PCDHGA9: variants seen among roughly 807,000 people sequenced by gnomAD.
PCDHGA9 encodes the protein protocadherin gamma-A9.
In PCDHGA9, 37 loss-of-function variants were observed where a neutral mutation model predicts 62.5. The observed-to-expected ratio is 0.59, with a 90% CI of 0.46 to 0.78. The LOEUF (loss-of-function observed/expected upper bound fraction) is 0.78, where lower values mean the gene tolerates loss of function less well. Ranked by LOEUF, PCDHGA9 falls within the 30% of genes least tolerant of loss-of-function variation. PCDHGA9 has a pLI of 0.00. For missense variants in PCDHGA9, 1,138 were observed against 1,166.2 expected, an observed-to-expected ratio of 0.98 and a Z score of 0.35; for synonymous variants, 459 against 484.6, an observed-to-expected ratio of 0.95 and a Z score of 0.69.
intron 1 of PCDHGA9, among the ~76,000 whole-genome samples, chr5:141,406,166 G>A (rs778809031): frequency 1.6e-4 from 24 of 151,400 alleles, no homozygotes; most frequent in Non-Finnish European, 3.2e-4. Context: ...TCAATCTCCT[G>A]GGCTTATGCA....
At chr5:141,415,772 T>TTTTTTTTG in intron 1 of PCDHGA9, 1 of 1,332,986 alleles carries the variant, frequency 7.5e-7, no homozygotes. Context: ...TTTTTTTTTT[T>TTTTTTTTG]ACTTTCTGGT....
intron 1 of PCDHGA9, among the ~76,000 whole-genome samples, chr5:141,462,990 A>T (rs181384059): frequency 1.8e-3 from 278 of 152,244 alleles, no homozygotes; most frequent in Non-Finnish European, 3.4e-3. Context: ...GCCTTGGGCT[A>T]ATTTAGACCT....
At chr5:141,425,686 A>C (rs1026122573) in intron 1 of PCDHGA9, among the ~76,000 whole-genome samples, 4 of 152,252 alleles carry the variant, frequency 2.6e-5, no homozygotes, top group Non-Finnish European at 5.9e-5. Context: ...AATACTGCAT[A>C]TCATTTCATA....
At chr5:141,508,033 C>A (rs1596123382) in intron 3 of PCDHGA9, 1 of 152,290 alleles carries the variant, frequency 6.6e-6, no homozygotes, top group Non-Finnish European at 1.5e-5. Flanking sequence ...GTTTGCAGCT[C>A]AGCCAGCTGT....
At chr5:141,446,595 GCCTCC>G (rs2098508132) in intron 1 of PCDHGA9, among the ~76,000 whole-genome samples, 2 of 152,012 alleles carry the variant, frequency 1.3e-5, no homozygotes, top group South Asian at 4.1e-4. Context: ...TTCTGCCTCA[GCCTCC>G]TGAGTAGCTG....
At chr5:141,429,387 T>TTA (rs775632416) in intron 1 of PCDHGA9, among the ~76,000 whole-genome samples, 40 of 151,448 alleles carry the variant, frequency 2.6e-4, no homozygotes, top group African/African-American at 7.0e-4. Context: ...GTTTTTTTTT[T>TTA]AAAAAAAATT....
chr5:141,477,268 C>A lies in PCDHGA9; in HGVS notation c.2425-17539C>A, dbSNP rs2099408532. On this transcript the variant is annotated intron_variant, in intron 1 of 3. Transcript: ENST00000573521. This position sits in a 1 kb window ranked among gnomAD's most constrained non-coding sequence, Gnocchi z 4.9. ...TGACTGACCTGGATGCTGGCGAGAA[C>A]GGGCTGGTGACCTGCGAAGTTCCAC... 1.2e-6 allele frequency: 2 copies of A among 1,614,078 alleles called. No individual in the cohort carries two copies. Among genetic ancestry groups the A allele is most frequent in the Non-Finnish European group, 1.7e-6 (2 of 1,180,038 alleles).
At chr5:141,504,500 GAGTGGATCT>G (rs2099838791) in intron 2 of PCDHGA9, among the ~76,000 whole-genome samples, 1 of 152,072 alleles carries the variant, frequency 6.6e-6, no homozygotes, top group Non-Finnish European at 1.5e-5. Context: ...TGCCCAGTCT[GAGTGGATCT>G]CCTCTGATAT....
chr5:141,451,009 T>C (rs1437016950), intron 1 of PCDHGA9, among the ~76,000 whole-genome samples: 1 of 151,566 alleles, frequency 6.6e-6, no homozygotes, highest in East Asian at 1.9e-4. Context: ...GTATTTTTTT[T>C]AGTAGAGACG....
intron 1 of PCDHGA9, chr5:141,423,126 G>T (rs1397550571): frequency 6.2e-7 from 1 of 1,613,622 alleles, no homozygotes; most frequent in Non-Finnish European, 8.5e-7. Context: ...CGCGGGCACT[G>T]CTGGACAGAG....
chr5:141,414,587 G>C (rs775783880), intron 1 of PCDHGA9: 3 of 1,613,828 alleles, frequency 1.9e-6, no homozygotes, highest in Admixed American at 3.3e-5. Context: ...AACAACGCCA[G>C]GGGTGCCTCC....
intron 1 of PCDHGA9, chr5:141,415,033 C>G (rs1207811183): frequency 1.2e-6 from 2 of 1,613,456 alleles, no homozygotes; most frequent in South Asian, 1.1e-5. Flanking sequence ...CGAGCCGGGA[C>G]TCTTCGCGGT....
intron 1 of PCDHGA9, among the ~76,000 whole-genome samples, chr5:141,482,804 G>T (rs1431490730): frequency 6.6e-6 from 1 of 152,194 alleles, no homozygotes; most frequent in East Asian, 1.9e-4. Flanking sequence ...GGGTACGGTG[G>T]CTCATGCCTG....
In PCDHGA9 at chr5:141,413,451, C is replaced by T. The variant is rs1561742650; in HGVS notation, c.2424+8075C>T. 6.2e-6 allele frequency: 10 copies of T among 1,614,118 alleles called. No homozygotes were observed. The South Asian group carries it at 1.1e-4, about 18-fold the overall frequency. ...GCAGCGGCAGCTTGATCACCGCGGGCAGGATAGACCGGGAGGAGCTCTGCG... is the reference window on the plus strand; with the variant it reads ...GCAGCGGCAGCTTGATCACCGCGGGTAGGATAGACCGGGAGGAGCTCTGCG... On this transcript the variant is annotated intron_variant, in intron 1 of 3. Transcript: ENST00000573521.
intron 1 of PCDHGA9, chr5:141,417,959 C>A (rs759279387): frequency 5.0e-6 from 8 of 1,613,734 alleles, no homozygotes; most frequent in Non-Finnish European, 6.8e-6. Context: ...TGAGCCGATC[C>A]GCTACTCGAT....
Position 141,477,230 on chromosome 5 carries a change from G to A in PCDHGA9, c.2425-17577G>A, listed in dbSNP as rs768648952. The A allele has an allele frequency of 1.3e-5, 21 of 1,614,164 alleles. No individual in the cohort carries two copies. The highest frequency in any genetic ancestry group is 1.8e-5 in the Non-Finnish European group (21 of 1,180,046). On this transcript the variant is annotated intron_variant, in intron 1 of 3. Coordinates refer to ENST00000573521, the MANE Select transcript of PCDHGA9 (RefSeq NM_018921.3). This position sits in a 1 kb window ranked among gnomAD's most constrained non-coding sequence, Gnocchi z 4.9. ...GGATGCCCCTCTGGGGACTGTCATC[G>A]CTTTGCTCAGTGTGACTGACCTGGA...
intron 1 of PCDHGA9, among the ~76,000 whole-genome samples, chr5:141,466,916 GT>G (rs1204028461): frequency 6.6e-6 from 1 of 152,010 alleles, no homozygotes; most frequent in Non-Finnish European, 1.5e-5. Context: ...AAAACTCCTT[GT>G]ATTAGGAATA....
At chr5:141,506,636 C>T (rs1421676205) in intron 3 of PCDHGA9, among the ~76,000 whole-genome samples, 2 of 152,020 alleles carry the variant, frequency 1.3e-5, no homozygotes, top group South Asian at 2.1e-4. Context: ...AATGCAAGTC[C>T]CTCAGCACAG....
intron 1 of PCDHGA9, chr5:141,428,285 C>CA (rs2097130658): frequency 2.7e-6 from 2 of 734,934 alleles, no homozygotes; most frequent in Non-Finnish European, 4.7e-6. Context: ...GATTCCCAAG[C>CA]AAAGCTGCAG....
Sources: allele counts gnomAD v4.1 joint callset (sites outside exome capture counted in the v4.1 genomes callset), GRCh38; gene constraint gnomAD v4.1.1; non-coding constraint Gnocchi (gnomAD v3.1); transcripts MANE v1.5; gene names NCBI Gene and HGNC (gene_info 2026-07-23, HGNC 2026-07-21).